DLC1: variants seen among roughly 807,000 people sequenced by gnomAD.
DLC1 encodes the protein rho GTPase-activating protein 7.
Under a neutral mutation model 140.3 loss-of-function variants are expected in DLC1, and 54 were observed. That is an observed-to-expected ratio of 0.38 (90% confidence interval 0.31 to 0.48). DLC1 has a LOEUF of 0.48. Ranked by LOEUF, DLC1 falls within the 20% of genes least tolerant of loss-of-function variation. The pLI is 0.96. For missense variants in DLC1, 2,536 were observed against 1,907.0 expected, an observed-to-expected ratio of 1.33 and a Z score of -6.14; for synonymous variants, 986 against 728.1, an observed-to-expected ratio of 1.35 and a Z score of -5.70.
At chr8:13,472,992 C>T (rs1428820546) in intron 2 of DLC1, among the ~76,000 whole-genome samples, 1 of 152,026 alleles carries the variant, frequency 6.6e-6, no homozygotes, top group African/African-American at 2.4e-5. Context: ...AAATATCTAC[C>T]TTTGAACTAA....
intron 1 of DLC1, among the ~76,000 whole-genome samples, chr8:13,582,893 TA>T (rs1805162639): frequency 1.1e-5 from 1 of 87,114 alleles, no homozygotes; most frequent in African/African-American, 5.1e-5. Context: ...TATATATATA[TA>T]TATATATATA....
At chr8:13,438,641 A>G (rs146521725) in intron 2 of DLC1, among the ~76,000 whole-genome samples, 2 of 152,162 alleles carry the variant, frequency 1.3e-5, no homozygotes, top group African/African-American at 4.8e-5. Flanking sequence ...CTGTTTTCCA[A>G]ACTTCCCACA....
intron 2 of DLC1, among the ~76,000 whole-genome samples, chr8:13,402,242 G>C (rs1837331482): frequency 1.3e-5 from 2 of 152,272 alleles, no homozygotes; most frequent in East Asian, 3.9e-4. Flanking sequence ...TTGTAAATGA[G>C]TATGGTTACT....
At chr8:13,489,428 C>CACAA (rs1554530237) in intron 2 of DLC1, among the ~76,000 whole-genome samples, 3,004 of 148,500 alleles carry the variant, frequency 0.02, 92 homozygotes, top group African/African-American at 0.065. Flanking sequence ...CACACACACA[C>CACAA]ACACACACAC....
intron 5 of DLC1, among the ~76,000 whole-genome samples, chr8:13,158,589 G>GCTTT (rs1322532812): frequency 6.6e-6 from 1 of 152,098 alleles, no homozygotes; most frequent in Non-Finnish European, 1.5e-5. Context: ...TATCTGTGAA[G>GCTTT]CTTTCCCATA....
intron 1 of DLC1, among the ~76,000 whole-genome samples, chr8:13,560,369 C>T (rs921373922): frequency 1.3e-5 from 2 of 152,180 alleles, no homozygotes; most frequent in African/African-American, 4.8e-5. Context: ...AGTCACTCTA[C>T]AGGCTGGCCA....
chr8:13,306,456 G>C (rs1052429239), intron 4 of DLC1, among the ~76,000 whole-genome samples: 1 of 152,008 alleles, frequency 6.6e-6, no homozygotes, highest in Admixed American at 6.6e-5. Context: ...ACTGACCACA[G>C]GATAGATCCA....
At chr8:13,475,398 A>G (rs144706600) in intron 2 of DLC1, among the ~76,000 whole-genome samples, 2 of 152,308 alleles carry the variant, frequency 1.3e-5, no homozygotes, top group African/African-American at 4.8e-5. Context: ...AGGGCCCAGT[A>G]AAAGGCCATC....
chr8:13,250,778 A>G lies in DLC1; in HGVS notation c.1348+54491T>C, dbSNP rs141758935. Among the ~76,000 whole-genome samples the G allele has an allele frequency of 2.0e-3, 307 of 152,172 alleles. 4 individuals carry two copies. In the East Asian group the frequency reaches 0.022, roughly 11 times the overall value. On this transcript the variant is annotated intron_variant, in intron 5 of 17. Coordinates refer to ENST00000276297, the MANE Select transcript of DLC1 (RefSeq NM_182643.3). ...AGAAAAAAAGAAAGAGAGAGAGAGA[A>G]AGAAAAAATAAAGTACTTACTTTAG...
rs1450163464 is a variant in DLC1, at chr8:13,095,083, C to G, written c.3327+3G>C. On this transcript the variant is annotated splice_donor_region_variant and intron_variant, in intron 11 of 17. Coordinates refer to ENST00000276297, the MANE Select transcript of DLC1 (RefSeq NM_182643.3). ...TACGTGGACCCGCAGGCAGCGCTCTCACCTGATCCAAACAATGGTTCCGGA... is the reference window on the plus strand; with the variant it reads ...TACGTGGACCCGCAGGCAGCGCTCTGACCTGATCCAAACAATGGTTCCGGA... 2 of 1,614,122 alleles carry G rather than the reference C, an allele frequency of 1.2e-6. No individual in the cohort carries two copies. The highest frequency in any genetic ancestry group is 4.5e-5 in the East Asian group (2 of 44,888).
rs1036858187 is a variant in DLC1, at chr8:13,296,208, G to A, written c.1348+9061C>T. Among the ~76,000 whole-genome samples, 3 of 151,718 alleles carry A rather than the reference G, an allele frequency of 2.0e-5. 1 individual carries two copies. The highest frequency in any genetic ancestry group is 7.3e-5 in the African/African-American group (3 of 41,300). On this transcript the variant is annotated intron_variant, in intron 5 of 17. Transcript: ENST00000276297. ...TGGCCTCAAGTGATTCGCTCACCTC[G>A]GCCTCCCAAAGTGCTGTAATTACAG...
intron 12 of DLC1, 144 bp from the exon 13 acceptor site, chr8:13,092,969 G>C (rs1004624787): frequency 2.2e-6 from 2 of 905,630 alleles, no homozygotes; most frequent in African/African-American, 1.7e-5. Flanking sequence ...AGGTTAATAC[G>C]GTAAAAGTTA....
chr8:13,378,241 C>T (rs1271572718), intron 4 of DLC1, among the ~76,000 whole-genome samples: 2 of 149,188 alleles, frequency 1.3e-5, no homozygotes, highest in Non-Finnish European at 1.5e-5. Context: ...TGTCCTAATT[C>T]CAGAAAAAAA....
chr8:13,474,241 G>A (rs1039911818), intron 2 of DLC1, among the ~76,000 whole-genome samples: 2 of 152,184 alleles, frequency 1.3e-5, no homozygotes, highest in African/African-American at 4.8e-5. Context: ...GGGCTTCAGA[G>A]GGTACAAGAC....
At chr8:13,249,672 A>C (rs1829919237) in intron 5 of DLC1, among the ~76,000 whole-genome samples, 2 of 152,224 alleles carry the variant, frequency 1.3e-5, no homozygotes, top group South Asian at 4.2e-4. Flanking sequence ...TTTTACAGCA[A>C]CGTTCCCTCT....
At chr8:13,473,857 A>G (rs903973016) in intron 2 of DLC1, among the ~76,000 whole-genome samples, 2 of 152,210 alleles carry the variant, frequency 1.3e-5, no homozygotes, top group South Asian at 2.1e-4. Context: ...AAAGTATTCA[A>G]GAGGTGTCTT....
intron 4 of DLC1, among the ~76,000 whole-genome samples, chr8:13,372,830 C>G (rs983536891): frequency 6.6e-6 from 1 of 151,978 alleles, no homozygotes; most frequent in African/African-American, 2.4e-5. Flanking sequence ...AACAAATTTT[C>G]CAGAAATATA....
At chr8:13,377,426 AAGG>A (rs1174098992) in intron 4 of DLC1, among the ~76,000 whole-genome samples, 1 of 152,196 alleles carries the variant, frequency 6.6e-6, no homozygotes, top group African/African-American at 2.4e-5. Flanking sequence ...GCTTTGTTGT[AAGG>A]AGGACAGTTA....
intron 4 of DLC1, chr8:13,341,440 C>T (rs1271348317): frequency 6.6e-6 from 1 of 151,022 alleles, no homozygotes; most frequent in African/African-American, 2.5e-5. Context: ...AAGTTACTGG[C>T]CCCCACACAT....
Sources: gnomAD v4.1 joint callset for allele counts (sites outside exome capture counted in the v4.1 genomes callset) on GRCh38, gnomAD v4.1.1 for gene constraint, MANE v1.5 for transcripts, NCBI Gene and HGNC (gene_info 2026-07-23, HGNC 2026-07-21) for gene names.